XRCC2: variants seen among roughly 807,000 people sequenced by gnomAD.
XRCC2 encodes the protein X-ray repair cross complementing 2, also known as DNA repair protein XRCC2.
Under a neutral mutation model 27.3 loss-of-function variants are expected in XRCC2, and 24 were observed. The observed-to-expected ratio is 0.88, with a 90% confidence interval of 0.64 to 1.24. The LOEUF (loss-of-function observed/expected upper bound fraction) is 1.24, where lower values mean the gene tolerates loss of function less well. Ranked by LOEUF, XRCC2 falls within the 50% of genes most tolerant of loss-of-function variation. The pLI is 0.00. For missense variants in XRCC2, 321 were observed against 325.8 expected (o/e 0.99, Z 0.11); for synonymous variants, 106 against 115.4 (o/e 0.92, Z 0.52).
chr7:152,673,917 TGGG>T, intron 1 of XRCC2, among the ~76,000 whole-genome samples: 1 of 152,222 alleles, frequency 6.6e-6, no homozygotes, highest in Non-Finnish European at 1.5e-5. Context: ...TTCAGTTTCT[TGGG>T]TTAGCTTATG....
chr7:152,667,412 A>AG (rs2098036306), intron 1 of XRCC2, among the ~76,000 whole-genome samples: 2 of 79,482 alleles, frequency 2.5e-5, no homozygotes, highest in South Asian at 9.7e-4. Context: ...TCTCAAAAAA[A>AG]AAAAAAAAAA....
Position 152,646,032 on chromosome 7 carries a change from A to G in XRCC2, c.*2610T>C, listed in dbSNP as rs531714591. On this transcript the variant is annotated 3_prime_UTR_variant, in exon 3 of 3. Transcript: ENST00000359321. ...TGGTGTGGATGGAGTTAAATACACCATCTCCTCTGTGCTTTGGATCTGTCC... is the reference window on the plus strand; with the variant it reads ...TGGTGTGGATGGAGTTAAATACACCGTCTCCTCTGTGCTTTGGATCTGTCC... 1 of 152,264 alleles carries G rather than the reference A, an allele frequency of 6.6e-6. No individual in the cohort carries two copies. Among genetic ancestry groups the G allele is most frequent in the South Asian group, 2.1e-4 (1 of 4,822 alleles). The allele number at this position is 152,264 out of a possible 1,614,324, so 9.4% of individuals were successfully genotyped here.
intron 1 of XRCC2, among the ~76,000 whole-genome samples, chr7:152,669,225 GTTAAAAA>G (rs765448732): frequency 2.0e-5 from 3 of 152,052 alleles, no homozygotes; most frequent in Admixed American, 2.0e-4. Flanking sequence ...AAAAATAAAA[GTTAAAAA>G]TTAAAAAACA....
rs2098027578 is a variant in XRCC2, at chr7:152,649,455, T to TA, written c.122-93dup. On this transcript the variant is annotated intron_variant, in intron 2 of 2. Transcript: ENST00000359321. Reference sequence around the variant, plus strand: ...CTGCAAAAAAGTTTAAAAAGACACTTACTGGAATGTGAAAGAAAATCTAAA... The same window carrying TA: ...CTGCAAAAAAGTTTAAAAAGACACTTAACTGGAATGTGAAAGAAAATCTAAA... The TA allele has an allele frequency of 4.2e-6, 6 of 1,415,350 alleles. No homozygotes were observed. The Admixed American group carries it at 1.5e-4, about 35-fold the overall frequency. The allele number at this position is 1,415,350 out of a possible 1,614,324, so 87.7% of individuals were successfully genotyped here.
chr7:152,668,932 A>G (rs1230743794), intron 1 of XRCC2, among the ~76,000 whole-genome samples: 1 of 152,180 alleles, frequency 6.6e-6, no homozygotes, highest in African/African-American at 2.4e-5. Context: ...TATTTTTCAC[A>G]TGAGAAAACT....
chr7:152,656,874 GAC>G, intron 2 of XRCC2, among the ~76,000 whole-genome samples: 1 of 152,266 alleles, frequency 6.6e-6, no homozygotes, highest in South Asian at 2.1e-4. Context: ...TGAATGAAAG[GAC>G]ACAGTTCCTG....
chr7:152,662,591 G>A (rs112854745), intron 1 of XRCC2, among the ~76,000 whole-genome samples: 2 of 36,968 alleles, frequency 5.4e-5, no homozygotes, highest in East Asian at 5.4e-4. Flanking sequence ...TTTTTTTTTT[G>A]AGACGGAGTC....
intron 1 of XRCC2, among the ~76,000 whole-genome samples, chr7:152,668,027 CAAAAA>C (rs59503175): frequency 9.5e-6 from 1 of 105,666 alleles, no homozygotes. Flanking sequence ...GACTCCATCT[CAAAAA>C]AAAAAAAAAA....
chr7:152,649,341 G>A lies in XRCC2; in HGVS notation c.144C>T (p.Gly48=), dbSNP rs369819565. The A allele has an allele frequency of 1.4e-5, 22 of 1,592,798 alleles. No homozygotes were observed. In the East Asian group the frequency reaches 4.9e-4, roughly 36 times the overall value. The part of the protein sequence containing the change: ...PVHGDILEFH[G]PEGTGKTEML... ...TTTCTGTTTTTCCTGTTCCTTCTGG[G>A]CCATGAAATTCAAGAATATCACCTG... The change falls in exon 3 of 3, where the codon GGC becomes GGT. Residue 48 remains glycine, a synonymous_variant. Coordinates refer to ENST00000359321, the MANE Select transcript of XRCC2 (RefSeq NM_005431.2).
At chr7:152,674,165 G>A (rs772310790) in intron 1 of XRCC2, among the ~76,000 whole-genome samples, 5 of 152,134 alleles carry the variant, frequency 3.3e-5, no homozygotes, top group Non-Finnish European at 4.4e-5. Context: ...TATGAGCTAG[G>A]CTTAGGATTG....
intron 1 of XRCC2, among the ~76,000 whole-genome samples, chr7:152,667,139 G>A (rs1312886250): frequency 6.6e-6 from 1 of 151,194 alleles, no homozygotes; most frequent in East Asian, 2.0e-4. Flanking sequence ...AGGTGCGGTG[G>A]CTCACGCCTG....
chr7:152,669,031 C>A (rs1002053421), intron 1 of XRCC2, among the ~76,000 whole-genome samples: 2 of 152,120 alleles, frequency 1.3e-5, no homozygotes, highest in African/African-American at 4.8e-5. Flanking sequence ...CTCAGTATCA[C>A]TGAGACTAAT....
chr7:152,654,853 G>A, intron 2 of XRCC2, among the ~76,000 whole-genome samples: 1 of 152,214 alleles, frequency 6.6e-6, no homozygotes, highest in Non-Finnish European at 1.5e-5. Context: ...AGAGACACAT[G>A]AATTATCATT....
chr7:152,654,446 A>G (rs560058982), intron 2 of XRCC2, among the ~76,000 whole-genome samples: 1 of 152,306 alleles, frequency 6.6e-6, no homozygotes, highest in East Asian at 1.9e-4. Flanking sequence ...AGGGCAAAAG[A>G]GAATGTTTCA....
At chr7:152,651,836 T>C (rs889051863) in intron 2 of XRCC2, among the ~76,000 whole-genome samples, 1 of 151,880 alleles carries the variant, frequency 6.6e-6, no homozygotes, top group African/African-American at 2.4e-5. Context: ...TAGCATAGTA[T>C]GTTATCAGTT....
At chr7:152,663,577 G>A (rs190879396) in intron 1 of XRCC2, among the ~76,000 whole-genome samples, 5 of 152,208 alleles carry the variant, frequency 3.3e-5, no homozygotes, top group African/African-American at 9.6e-5. Flanking sequence ...AGTGGCTCGC[G>A]CCTGTAATCC....
intron 1 of XRCC2, among the ~76,000 whole-genome samples, chr7:152,672,762 A>G (rs1442678155): frequency 6.6e-6 from 1 of 152,240 alleles, no homozygotes; most frequent in African/African-American, 2.4e-5. Context: ...TGCCATGTAC[A>G]TGAACTGCTT....
intron 1 of XRCC2, among the ~76,000 whole-genome samples, chr7:152,674,259 ACAAGG>A (rs2098039384): frequency 6.6e-6 from 1 of 152,150 alleles, no homozygotes; most frequent in South Asian, 2.1e-4. Context: ...TTTTTTGGAT[ACAAGG>A]CTTGTTCTGA....
intron 1 of XRCC2, among the ~76,000 whole-genome samples, chr7:152,661,077 T>C (rs1435851726): frequency 2.6e-5 from 4 of 152,098 alleles, no homozygotes; most frequent in African/African-American, 7.2e-5. Flanking sequence ...GGTGGGAAGA[T>C]CACTTGAGTC....
Sources: allele counts gnomAD v4.1 joint callset (sites outside exome capture counted in the v4.1 genomes callset), GRCh38; gene constraint gnomAD v4.1.1; transcripts MANE v1.5; gene names NCBI Gene and HGNC (gene_info 2026-07-23, HGNC 2026-07-21).